Variants in RIMBP2 observed in about 807,000 individuals in gnomAD.
RIMBP2 encodes the protein RIMS-binding protein 2.
A neutral mutation model predicts 118.6 loss-of-function variants in RIMBP2; 48 were observed. The observed-to-expected ratio is 0.40, with a 90% CI of 0.32 to 0.51. The LOEUF (loss-of-function observed/expected upper bound fraction) is 0.51. RIMBP2 is among the 20% of genes least tolerant of loss of function. The pLI is 0.41. For synonymous variants in RIMBP2, 762 were observed against 742.9 expected (o/e 1.03, Z -0.42); for missense variants, 1,551 against 1,768.3 (o/e 0.88, Z 2.20).
At position 130,442,639 on chromosome 12, in the gene RIMBP2, C is replaced by T. The variant is rs551750640; in HGVS notation, c.713G>A (p.Arg238Lys). Residue 238 changes from arginine to lysine, a missense_variant, in exon 11 of 23, where the codon AGG (arginine) becomes AAG (lysine). By Grantham distance (26) the Arg-to-Lys change is conservative. Around this residue, in one of 5 missense-constraint regions of RIMBP2, gnomAD observed 265 missense variants for 349.5 expected, o/e 0.76. Coordinates refer to ENST00000690449, the MANE Select transcript of RIMBP2 (RefSeq NM_001393629.1). This position sits in a 1 kb window ranked among gnomAD's most constrained non-coding sequence, Gnocchi z 6.9. ...CACGAAGTTGGAGGGCACCAGACCC[C>T]TCTGGCCATCGAGGAGCTCTCCTGT... ...FYEGELLDGQ[R>K]GLVPSNFVDF... 177 of 1,614,070 alleles carry T rather than the reference C, an allele frequency of 1.1e-4. 3 individuals are homozygous for T. The South Asian group carries it at 1.9e-3, about 17-fold the overall frequency.
At chr12:130,400,717 G>C (rs1286035079) in intron 21 of RIMBP2, among the ~76,000 whole-genome samples, 1 of 152,176 alleles carries the variant, frequency 6.6e-6, no homozygotes, top group African/African-American at 2.4e-5. Flanking sequence ...GAAAATGTCT[G>C]CAAGTCATCT....
Position 130,622,936 on chromosome 12 carries a change from A to G in RIMBP2, c.-217+5386T>C, listed in dbSNP as rs534489316. On this transcript the variant is annotated intron_variant, in intron 2 of 22. Coordinates refer to ENST00000690449, the MANE Select transcript of RIMBP2 (RefSeq NM_001393629.1). This position sits in a 1 kb window ranked among gnomAD's most constrained non-coding sequence, Gnocchi z 8.5. ...ACTAAGCCCTGCAGGTAGGAACAAG[A>G]AGACTCATCTAACAGAGAAAATGAA... 6.6e-6 allele frequency among the ~76,000 whole-genome samples: 1 copy of G among 152,356 alleles called. No homozygotes were observed. The highest frequency in any genetic ancestry group is 1.9e-4 in the East Asian group (1 of 5,186).
intron 4 of RIMBP2, among the ~76,000 whole-genome samples, chr12:130,497,286 T>A (rs1379423554): frequency 6.6e-6 from 1 of 152,184 alleles, no homozygotes; most frequent in African/African-American, 2.4e-5. Flanking sequence ...TACCCCTCTG[T>A]CCAGAAGCTT....
intron 2 of RIMBP2, among the ~76,000 whole-genome samples, chr12:130,605,829 C>T (rs919532689): frequency 9.9e-5 from 15 of 152,064 alleles, no homozygotes; most frequent in African/African-American, 3.6e-4. Flanking sequence ...TTTGGGAGGC[C>T]GAGGTGGGCA....
At chr12:130,659,351 C>T (rs2063557214) in intron 1 of RIMBP2, among the ~76,000 whole-genome samples, 1 of 151,782 alleles carries the variant, frequency 6.6e-6, no homozygotes, top group Non-Finnish European at 1.5e-5. Flanking sequence ...GCAGGTGGAT[C>T]ACGAGGTCAG....
chr12:130,631,570 C>G (rs2061996212), intron 1 of RIMBP2, among the ~76,000 whole-genome samples: 2 of 152,038 alleles, frequency 1.3e-5, no homozygotes, highest in African/African-American at 4.8e-5. Flanking sequence ...AAGTGTCTCC[C>G]AACGCCAACC....
intron 11 of RIMBP2, among the ~76,000 whole-genome samples, chr12:130,440,724 G>T (rs561388385): frequency 1.3e-5 from 2 of 152,322 alleles, no homozygotes; most frequent in African/African-American, 2.4e-5. Context: ...AAATGTCGTC[G>T]TGTAACAGAT....
In RIMBP2 at chr12:130,415,872, A is replaced by T. The variant is rs920692249; in HGVS notation, c.3239-1566T>A. Among the ~76,000 whole-genome samples the T allele has an allele frequency of 2.0e-4, 30 of 152,224 alleles. 1 individual carries two copies. The highest frequency in any genetic ancestry group is 6.5e-4 in the African/African-American group (27 of 41,456). On this transcript the variant is annotated intron_variant, in intron 17 of 22. Transcript: ENST00000690449. ...CAATAAAATTTCAGGATACAAAATC[A>T]ATGTATAAAAATCAGTAGCATTTCT...
chr12:130,613,673 G>T (rs554500666), intron 2 of RIMBP2, among the ~76,000 whole-genome samples: 21 of 152,078 alleles, frequency 1.4e-4, no homozygotes, highest in Non-Finnish European at 7.3e-5. Flanking sequence ...AATTAGCTGG[G>T]TGTGGTGGCG....
rs74468671 is a variant in RIMBP2, at chr12:130,646,407, C to T, written c.-351-17951G>A. On this transcript the variant is annotated intron_variant, in intron 1 of 22. Coordinates refer to ENST00000690449, the MANE Select transcript of RIMBP2 (RefSeq NM_001393629.1). Reference sequence around the variant, plus strand: ...ACCACCTCCCTCACCACCTGCCTCTCCACCTCCCTCACCACTTCCCTCTCC... The same window carrying T: ...ACCACCTCCCTCACCACCTGCCTCTTCACCTCCCTCACCACTTCCCTCTCC... Among the ~76,000 whole-genome samples, 345 of 88,062 alleles carry T rather than the reference C, an allele frequency of 3.9e-3. 31 individuals are homozygous for T. The highest frequency in any genetic ancestry group is 6.8e-3 in the South Asian group (16 of 2,366). The allele number at this position is 88,062 out of a possible 152,430, so 57.8% of individuals were successfully genotyped here.
At position 130,665,626 on chromosome 12, in the gene RIMBP2, G is replaced by A. The variant is rs1354963111; in HGVS notation, c.-351-37170C>T. On this transcript the variant is annotated intron_variant, in intron 1 of 22. Coordinates refer to ENST00000690449, the MANE Select transcript of RIMBP2 (RefSeq NM_001393629.1). ...GTGAGGAACCTTCTGTAAAACTACT[G>A]TCCTTCACTCTTCAAAAATGGTCCA... is the stretch of plus-strand genomic sequence containing the variant. 4.0e-5 allele frequency among the ~76,000 whole-genome samples: 6 copies of A among 151,656 alleles called. No homozygotes were observed. The East Asian group carries it at 1.2e-3, about 29-fold the overall frequency.
intron 2 of RIMBP2, among the ~76,000 whole-genome samples, chr12:130,611,483 C>A (rs7961225): frequency 6.6e-6 from 1 of 152,188 alleles, no homozygotes; most frequent in East Asian, 1.9e-4. Flanking sequence ...CCCGATCCTC[C>A]GCTGGAAGAC....
At chr12:130,501,704 C>T (rs866701186) in intron 4 of RIMBP2, among the ~76,000 whole-genome samples, 9 of 152,216 alleles carry the variant, frequency 5.9e-5, no homozygotes, top group South Asian at 2.1e-4. Flanking sequence ...CAACTCTAGG[C>T]GCACAGCCTG....
intron 2 of RIMBP2, among the ~76,000 whole-genome samples, chr12:130,559,898 G>A (rs1017838148): frequency 4.6e-5 from 7 of 152,278 alleles, no homozygotes; most frequent in African/African-American, 9.6e-5. Context: ...AATGAACAAC[G>A]GTAACACCTG....
intron 1 of RIMBP2, among the ~76,000 whole-genome samples, chr12:130,691,442 G>A (rs1466578827): frequency 6.6e-6 from 1 of 152,174 alleles, no homozygotes; most frequent in Non-Finnish European, 1.5e-5. Flanking sequence ...GGCTGAGGTA[G>A]GCAGATCACT....
At chr12:130,658,728 G>T (rs556161587) in intron 1 of RIMBP2, 2 of 152,314 alleles carry the variant, frequency 1.3e-5, no homozygotes, top group South Asian at 4.1e-4. Context: ...GCCGGGTTCT[G>T]GGCAGGAGAG....
At chr12:130,698,799 T>A (rs12302349) in intron 1 of RIMBP2, among the ~76,000 whole-genome samples, 1 of 151,812 alleles carries the variant, frequency 6.6e-6, no homozygotes, top group Non-Finnish European at 1.5e-5. Context: ...AGGCAACCTA[T>A]AGAATGGGAG....
At position 130,438,445 on chromosome 12, in the gene RIMBP2, T is replaced by C. The variant is rs1371439738; in HGVS notation, c.1576A>G (p.Arg526Gly). The change falls in exon 12 of 23, where the codon AGA becomes GGA. Residue 526 changes from arginine (R) to glycine (G), a missense_variant. Arg to Gly is a moderately radical substitution (Grantham distance 125, BLOSUM62 -2). Around this residue, in one of 5 missense-constraint regions of RIMBP2, gnomAD observed 1,038 missense variants for 1,125.1 expected, o/e 0.92. Transcript: ENST00000690449. ...CCGGTGGGCGTCAGCACAGGTGGTCTCCAGGAGACCCGGATGGTGGCGGGG... is the reference window on the plus strand; with the variant it reads ...CCGGTGGGCGTCAGCACAGGTGGTCCCCAGGAGACCCGGATGGTGGCGGGG... ...VTPATIRVSW[R>G]PPVLTPTGLS... 1.9e-6 allele frequency: 3 copies of C among 1,612,856 alleles called. No individual in the cohort carries two copies. The South Asian group carries it at 3.3e-5, about 18-fold the overall frequency.
In RIMBP2 at chr12:130,446,667, T is replaced by C. The variant is rs749983218; in HGVS notation, c.582-1398A>G. 1.3e-5 allele frequency among the ~76,000 whole-genome samples: 2 copies of C among 152,192 alleles called. No individual in the cohort carries two copies. Among genetic ancestry groups the C allele is most frequent in the Admixed American group, 1.3e-4 (2 of 15,278 alleles). ...AAGAGCTCTGGAAGAAGGAATAGCA[T>C]GCGCCAAGGCCCAGAGGCAGGGAGG... On this transcript the variant is annotated intron_variant, in intron 9 of 22. Transcript: ENST00000690449. The surrounding 1 kb of genome is among the most constrained non-coding windows in gnomAD (Gnocchi z 4.1).
Sources: allele counts gnomAD v4.1 joint callset (sites outside exome capture counted in the v4.1 genomes callset), GRCh38; gene constraint gnomAD v4.1.1; regional missense constraint gnomAD v4.1.1; non-coding constraint Gnocchi (gnomAD v3.1); transcripts MANE v1.5; gene names NCBI Gene and HGNC (gene_info 2026-07-23, HGNC 2026-07-21).